The following MAST3 variants were observed in gnomAD, a reference collection of about 807,000 sequenced individuals.
The protein encoded by MAST3 is microtubule associated serine/threonine kinase 3.
In MAST3, 43 loss-of-function variants were observed where a neutral mutation model predicts 127.0. The ratio of observed to expected loss-of-function variants is 0.34; its 90% CI spans 0.27 to 0.44. MAST3 has a LOEUF of 0.44. MAST3 is among the 20% of genes least tolerant of loss of function. The probability of loss-of-function intolerance (pLI) is 1.00; values close to 1 mark genes in which losing one functional copy is unlikely to be tolerated. For missense variants in MAST3, 1,390 were observed against 1,919.1 expected, an observed-to-expected ratio of 0.72 and a Z score of 5.15; for synonymous variants, 785 against 809.2, an observed-to-expected ratio of 0.97 and a Z score of 0.51.
chr19:18,129,338 G>C, intron 13 of MAST3: 1 of 183,090 alleles, frequency 5.5e-6, no homozygotes, highest in Non-Finnish European at 1.2e-5. Context: ...GAGGTTCCAG[G>C]AGTCACCATC....
At position 18,103,750 on chromosome 19, in the gene MAST3, G is replaced by T. The variant is rs527316459; in HGVS notation, c.40-3837G>T. ...AATGAGAAAACTGAGGCACAGAGGG[G>T]TTAAGTCACTTGTCGGGTCACACAG... is the stretch of plus-strand genomic sequence containing the variant. On this transcript the variant is annotated intron_variant, in intron 1 of 27. Transcript: ENST00000687212. Among the ~76,000 whole-genome samples, 5 of 152,272 alleles carry T rather than the reference G, an allele frequency of 3.3e-5. No individual in the cohort carries two copies. In the East Asian group the frequency reaches 9.7e-4, roughly 29 times the overall value.
At chr19:18,141,631 C>A (rs1295476653) in intron 20 of MAST3, among the ~76,000 whole-genome samples, 1 of 151,980 alleles carries the variant, frequency 6.6e-6, no homozygotes, top group Non-Finnish European at 1.5e-5. Flanking sequence ...CCTCAGCCTC[C>A]CAGAGTGGTG....
At chr19:18,126,820 G>A (rs1021207896) in intron 11 of MAST3, among the ~76,000 whole-genome samples, 30 of 151,304 alleles carry the variant, frequency 2.0e-4, no homozygotes, top group Non-Finnish European at 3.4e-4. Flanking sequence ...TCGCTCTCTC[G>A]CCCAGGCTGG....
intron 1 of MAST3, among the ~76,000 whole-genome samples, chr19:18,101,871 G>A (rs1217666769): frequency 7.0e-6 from 1 of 143,432 alleles, no homozygotes; most frequent in Admixed American, 7.2e-5. Flanking sequence ...TGGCCAGAAT[G>A]GCCTCAAACT....
rs892670967 is a variant in MAST3, at chr19:18,137,145, CCTA to C, written c.1973-90_1973-88del. ...CCCATTTTTCTGGTTCTGTGTTGTC[CCTA>C]CTATGTGTCCAGCATGGGCAGTGGG... On this transcript the variant is annotated intron_variant, in intron 18 of 27. Coordinates refer to ENST00000687212, the MANE Select transcript of MAST3 (RefSeq NM_001393504.1). The C allele has an allele frequency of 2.0e-5, 30 of 1,490,538 alleles. No individual in the cohort carries two copies. In the African/African-American group the frequency reaches 2.8e-4, roughly 14 times the overall value. 92.3% of individuals were successfully genotyped at this position (1,490,538 alleles called of 1,614,324 possible). A position where few individuals can be genotyped will look rare whatever the true frequency, so the allele number is the denominator to read the frequency against.
chr19:18,145,821 G>T lies in MAST3; in HGVS notation c.3118G>T (p.Val1040Leu). ...CATCACCCACATCAACGGGGAGTCA[G>T]TGCTGGGGCTGGTGCACATGGACGT... is the stretch of plus-strand genomic sequence containing the variant. ...DLITHINGES[V>L]LGLVHMDVVE... The change falls in exon 25 of 28, where the codon GTG (valine) becomes TTG (leucine). Residue 1040 changes from valine to leucine, a missense_variant. By Grantham distance (32) the Val-to-Leu change is conservative (BLOSUM62 1). Transcript: ENST00000687212. This position sits in a 1 kb window ranked among gnomAD's most constrained non-coding sequence, Gnocchi z 5.9. The T allele has an allele frequency of 6.3e-7, 1 of 1,598,448 alleles. No individual in the cohort carries two copies. The highest frequency in any genetic ancestry group is 1.1e-5 in the South Asian group (1 of 89,078).
At chr19:18,100,126 C>CTTTTTTTTTTTTTTTTTTTTT (rs201140700) in intron 1 of MAST3, among the ~76,000 whole-genome samples, 1 of 117,004 alleles carries the variant, frequency 8.5e-6, no homozygotes, top group Admixed American at 1.0e-4. Context: ...CTCTCTCTCT[C>CTTTTTTTTTTTTTTTTTTTTT]TCTTTTTTTT....
Position 18,145,610 on chromosome 19 carries a change from C to A in MAST3, c.3040-133C>A. ...GGCTTTGATGGGTGAGTAGGAGTTCCCCCAGGATCAGGGAAACTGAGACAG... is the reference window on the plus strand; with the variant it reads ...GGCTTTGATGGGTGAGTAGGAGTTCACCCAGGATCAGGGAAACTGAGACAG... On this transcript the variant is annotated intron_variant, in intron 24 of 27. Coordinates refer to ENST00000687212, the MANE Select transcript of MAST3 (RefSeq NM_001393504.1). The surrounding 1 kb of genome is among the most constrained non-coding windows in gnomAD (Gnocchi z 5.9). 2 of 968,720 alleles carry A rather than the reference C, an allele frequency of 2.1e-6. No individual in the cohort carries two copies. The highest frequency in any genetic ancestry group is 2.7e-6 in the Non-Finnish European group (2 of 748,056). 60.0% of individuals were successfully genotyped at this position (968,720 alleles called of 1,614,324 possible).
chr19:18,144,063 G>A lies in MAST3; in HGVS notation c.2584+56G>A. The A allele has an allele frequency of 1.3e-6, 2 of 1,533,732 alleles. No individual in the cohort carries two copies. Among genetic ancestry groups the A allele is most frequent in the Non-Finnish European group, 1.8e-6 (2 of 1,141,072 alleles). ...GTCATGGAAGTTTCCCAGAGGAGGGGCTATTTGAGATGGGTTTTCAAGGAT... is the reference window on the plus strand; with the variant it reads ...GTCATGGAAGTTTCCCAGAGGAGGGACTATTTGAGATGGGTTTTCAAGGAT... On this transcript the variant is annotated intron_variant, in intron 22 of 27. Transcript: ENST00000687212. This position sits in a 1 kb window ranked among gnomAD's most constrained non-coding sequence, Gnocchi z 4.0.
intron 15 of MAST3, 143 bp from the exon 16 acceptor site, chr19:18,134,436 G>A (rs937418848): frequency 7.6e-6 from 9 of 1,178,188 alleles, no homozygotes; most frequent in Non-Finnish European, 9.3e-6. Context: ...CAGCTACTTG[G>A]GAGGCTGAGC....
At chr19:18,113,815 C>T (rs988960751) in intron 3 of MAST3, among the ~76,000 whole-genome samples, 5 of 152,186 alleles carry the variant, frequency 3.3e-5, no homozygotes, top group African/African-American at 7.2e-5. Flanking sequence ...CCAGGCTGGT[C>T]TTGAACTCCT....
chr19:18,121,977 C>T, intron 5 of MAST3, 55 bp downstream of exon 5: 12 of 1,597,440 alleles, frequency 7.5e-6, no homozygotes, highest in Non-Finnish European at 1.0e-5. Flanking sequence ...AAGGGTTGGG[C>T]AGGGGCACGT....
At chr19:18,111,622 C>T (rs1482798863) in intron 3 of MAST3, among the ~76,000 whole-genome samples, 2 of 148,828 alleles carry the variant, frequency 1.3e-5, no homozygotes, top group Admixed American at 6.8e-5. Flanking sequence ...GCAACCTCCA[C>T]CTCCTGGGTT....
intron 20 of MAST3, among the ~76,000 whole-genome samples, chr19:18,139,437 G>A (rs2042214649): frequency 6.6e-6 from 1 of 152,148 alleles, no homozygotes; most frequent in Non-Finnish European, 1.5e-5. Context: ...CGATTCTCCT[G>A]CCTCAGCCTG....
At chr19:18,122,045 C>A in intron 5 of MAST3, 123 bp downstream of exon 5, 1 of 1,494,392 alleles carries the variant, frequency 6.7e-7, no homozygotes. Context: ...CCTCCCCTGG[C>A]CCGTCTGGTG....
intron 1 of MAST3, among the ~76,000 whole-genome samples, chr19:18,102,171 C>T (rs1421550454): frequency 6.6e-6 from 1 of 151,766 alleles, no homozygotes; most frequent in Non-Finnish European, 1.5e-5. Flanking sequence ...TTAGCCACTG[C>T]GCCTGGCCTT....
Position 18,112,885 on chromosome 19 carries a change from G to A in MAST3, c.161+2144G>A, listed in dbSNP as rs1031334808. ...CTAGGACAACATCCAGGAACAAGTC[G>A]AGGCATCCACTGAGAATCAGAGACT... On this transcript the variant is annotated intron_variant, in intron 3 of 27. Coordinates refer to ENST00000687212, the MANE Select transcript of MAST3 (RefSeq NM_001393504.1). This position sits in a 1 kb window ranked among gnomAD's most constrained non-coding sequence, Gnocchi z 4.1. 2.6e-5 allele frequency among the ~76,000 whole-genome samples: 4 copies of A among 152,216 alleles called. No homozygotes were observed. Among genetic ancestry groups the A allele is most frequent in the East Asian group, 1.9e-4 (1 of 5,178 alleles).
At chr19:18,105,536 TAA>T (rs35808767) in intron 1 of MAST3, among the ~76,000 whole-genome samples, 133 of 129,512 alleles carry the variant, frequency 1.0e-3, no homozygotes, top group African/African-American at 3.5e-3. Flanking sequence ...CTGTCTCTTC[TAA>T]AAAAAAAAAA....
chr19:18,146,872 C>A lies in MAST3; in HGVS notation c.3163-9C>A. On this transcript the variant is annotated splice_polypyrimidine_tract_variant and intron_variant, in intron 25 of 27. Coordinates refer to ENST00000687212, the MANE Select transcript of MAST3 (RefSeq NM_001393504.1). ...GCACAGAGGCAACCCCTCACCATCCCTCCCGCAGAGCGGCAACAAGATATC... is the reference window on the plus strand; with the variant it reads ...GCACAGAGGCAACCCCTCACCATCCATCCCGCAGAGCGGCAACAAGATATC... 6.5e-7 allele frequency: 1 copy of A among 1,547,720 alleles called. No individual in the cohort carries two copies. Among genetic ancestry groups the A allele is most frequent in the South Asian group, 1.2e-5 (1 of 83,520 alleles).
Sources: gnomAD v4.1 joint callset for allele counts (sites outside exome capture counted in the v4.1 genomes callset) on GRCh38, gnomAD v4.1.1 for gene constraint, Gnocchi (gnomAD v3.1) non-coding constraint, MANE v1.5 for transcripts, NCBI Gene and HGNC (gene_info 2026-07-23, HGNC 2026-07-21) for gene names.